The following TMEM181 variants were observed in gnomAD, a reference collection of about 807,000 sequenced individuals.
TMEM181 encodes G protein-coupled receptor 178.
A neutral mutation model predicts 71.9 loss-of-function variants in TMEM181; 39 were observed. The observed-to-expected ratio is 0.54, with a 90% confidence interval of 0.42 to 0.71. TMEM181 has a LOEUF of 0.71. Ranked by LOEUF, TMEM181 falls within the 30% of genes least tolerant of loss-of-function variation. TMEM181 has a pLI of 0.00. For synonymous variants in TMEM181, 245 were observed against 228.8 expected (o/e 1.07, Z -0.64); for missense variants, 595 against 583.0 (o/e 1.02, Z -0.21).
At chr6:158,601,817 A>G (rs1415231301) in intron 6 of TMEM181, among the ~76,000 whole-genome samples, 1 of 152,138 alleles carries the variant, frequency 6.6e-6, no homozygotes, top group Admixed American at 6.5e-5. Context: ...GTAGGTTACT[A>G]GCATCCCCAT....
At chr6:158,582,716 C>G (rs1562634529) in intron 3 of TMEM181, among the ~76,000 whole-genome samples, 1 of 151,988 alleles carries the variant, frequency 6.6e-6, no homozygotes, top group Non-Finnish European at 1.5e-5. Flanking sequence ...ACGATGCATT[C>G]AGATAATGCT....
upstream of TMEM181, among the ~76,000 whole-genome samples, chr6:158,555,712 A>ATTGAC (rs1381794072): frequency 6.6e-6 from 1 of 152,244 alleles, no homozygotes; most frequent in Non-Finnish European, 1.5e-5. Flanking sequence ...AGAGAATCCC[A>ATTGAC]TTGACTTGAC....
chr6:158,625,388 C>T (rs1451085038), intron 12 of TMEM181, among the ~76,000 whole-genome samples, 182 bp downstream of exon 12: 1 of 152,144 alleles, frequency 6.6e-6, no homozygotes, highest in Non-Finnish European at 1.5e-5. Flanking sequence ...ACAGGTTACT[C>T]TGGCATTTGG....
At chr6:158,618,163 T>A (rs930425361) in intron 10 of TMEM181, among the ~76,000 whole-genome samples, 2 of 152,258 alleles carry the variant, frequency 1.3e-5, no homozygotes, top group African/African-American at 4.8e-5. Flanking sequence ...TGGTTGCTCC[T>A]GTATTGGGTG....
At chr6:158,558,155 C>T (rs1272039269), upstream of TMEM181, among the ~76,000 whole-genome samples, 1 of 152,084 alleles carries the variant, frequency 6.6e-6, no homozygotes, top group Non-Finnish European at 1.5e-5. Flanking sequence ...CAGGGGTCCT[C>T]GGGGTGGTGA....
At chr6:158,576,850 CAGG>C (rs1423465750) in intron 2 of TMEM181, among the ~76,000 whole-genome samples, 2 of 151,892 alleles carry the variant, frequency 1.3e-5, no homozygotes, top group East Asian at 3.9e-4. Flanking sequence ...ATCACGACGT[CAGG>C]AGATCGAGAC....
Position 158,631,811 on chromosome 6 carries a change from A to C in TMEM181, c.1351A>C (p.Ser451Arg). ...NDSDDDVIYG[S>R]DYEEMPLQNG... ...TCTCAAAGGTCTCTTTGCTCACAGG[A>C]GTGACTATGAGGAAATGCCGCTGCA... Residue 451 changes from serine to arginine, a missense_variant and splice_region_variant, in exon 17 of 17, where the codon AGT becomes CGT. Coordinates refer to ENST00000684151, the MANE Select transcript of TMEM181 (RefSeq NM_001376852.1). 6.3e-7 allele frequency: 1 copy of C among 1,596,700 alleles called. No individual in the cohort carries two copies. Among genetic ancestry groups the C allele is most frequent in the Non-Finnish European group, 8.5e-7 (1 of 1,171,086 alleles).
At chr6:158,546,908 C>T (rs371560949) in intron 1 of TMEM181, among the ~76,000 whole-genome samples, 10 of 152,172 alleles carry the variant, frequency 6.6e-5, no homozygotes, top group African/African-American at 1.4e-4. Context: ...TGCAGTGAGC[C>T]GAGATTGCAC....
chr6:158,552,976 G>A (rs1466857021), intron 1 of TMEM181, among the ~76,000 whole-genome samples: 4 of 152,120 alleles, frequency 2.6e-5, no homozygotes. Flanking sequence ...GATCACTTGA[G>A]CCTAGTTTGA....
In TMEM181 at chr6:158,608,374, C is replaced by T. The variant is rs993080581; in HGVS notation, c.715C>T (p.Pro239Ser). 3.1e-6 allele frequency: 5 copies of T among 1,614,118 alleles called. No homozygotes were observed. Among genetic ancestry groups the T allele is most frequent in the African/African-American group, 1.3e-5 (1 of 74,924 alleles). The change falls in exon 9 of 17, where the codon CCA becomes TCA. Residue 239 changes from proline (P) to serine (S), a missense_variant. Coordinates refer to ENST00000684151, the MANE Select transcript of TMEM181 (RefSeq NM_001376852.1). ...PLSFLVNSWL[P>S]GMLDDLFQSM... Reference sequence around the variant, plus strand: ...CTCCTTCCTGGTCAACAGCTGGCTCCCAGGGATGCTGGATGACCTCTTTCA... The same window carrying T: ...CTCCTTCCTGGTCAACAGCTGGCTCTCAGGGATGCTGGATGACCTCTTTCA...
At position 158,634,159 on chromosome 6, in the gene TMEM181, AAAAGTT is replaced by A. The variant is rs1786811628; in HGVS notation, c.*2273_*2278del. ...TTGTAACTAAGTGGGAAATAAGAAAAAAAGTTAGAAAGTACTTAAGGGGAAAATCGT... is the reference window on the plus strand; with the variant it reads ...TTGTAACTAAGTGGGAAATAAGAAAAAGAAAGTACTTAAGGGGAAAATCGT... On this transcript the variant is annotated 3_prime_UTR_variant, in exon 17 of 17. Coordinates refer to ENST00000684151, the MANE Select transcript of TMEM181 (RefSeq NM_001376852.1). 2 of 146,816 alleles carry A rather than the reference AAAAGTT, an allele frequency of 1.4e-5. No individual in the cohort carries two copies. The highest frequency in any genetic ancestry group is 4.2e-4 in the South Asian group (2 of 4,712). The allele number at this position is 146,816 out of a possible 1,614,324, so 9.1% of individuals were successfully genotyped here. A position where few individuals can be genotyped will look rare whatever the true frequency, so the allele number is the denominator to read the frequency against.
chr6:158,623,657 TA>T, intron 11 of TMEM181, 50 bp downstream of exon 11: 2 of 1,317,372 alleles, frequency 1.5e-6, no homozygotes, highest in Non-Finnish European at 2.1e-6. Flanking sequence ...TGCTGTTTTG[TA>T]AAATTACTGA....
chr6:158,614,876 C>T (rs2128322467), intron 10 of TMEM181, among the ~76,000 whole-genome samples: 1 of 152,256 alleles, frequency 6.6e-6, no homozygotes, highest in South Asian at 2.1e-4. Flanking sequence ...TTTTCTTAAT[C>T]CAGTCTATCA....
chr6:158,599,421 C>T (rs775555014), intron 6 of TMEM181, among the ~76,000 whole-genome samples: 12 of 152,294 alleles, frequency 7.9e-5, no homozygotes, highest in African/African-American at 2.6e-4. Context: ...GGGACCTTGA[C>T]GCAAAAGCTT....
chr6:158,623,010 T>C (rs892309582), intron 10 of TMEM181, among the ~76,000 whole-genome samples: 1 of 152,210 alleles, frequency 6.6e-6, no homozygotes. Flanking sequence ...AATAGGACTT[T>C]CACGGAGTAG....
At chr6:158,589,319 A>G (rs1032911277) in intron 5 of TMEM181, among the ~76,000 whole-genome samples, 3 of 152,218 alleles carry the variant, frequency 2.0e-5, no homozygotes, top group Admixed American at 6.5e-5. Flanking sequence ...CGGCATCTGC[A>G]TTGACGTGTC....
intron 6 of TMEM181, among the ~76,000 whole-genome samples, chr6:158,591,715 ATCT>A (rs1269515688): frequency 2.6e-5 from 4 of 151,980 alleles, no homozygotes; most frequent in African/African-American, 7.3e-5. Context: ...CCCTTTCATC[ATCT>A]TCTTTATTAG....
chr6:158,593,071 ATG>A (rs1784198597), intron 6 of TMEM181, among the ~76,000 whole-genome samples: 1 of 152,196 alleles, frequency 6.6e-6, no homozygotes, highest in Non-Finnish European at 1.5e-5. Context: ...CTCTACTTCC[ATG>A]TTCTTTTTGA....
At chr6:158,554,122 G>C (rs1390018969) in intron 1 of TMEM181, among the ~76,000 whole-genome samples, 1 of 151,236 alleles carries the variant, frequency 6.6e-6, no homozygotes, top group Non-Finnish European at 1.5e-5. Context: ...TTTCGCTTTT[G>C]TTGCCCAGGC....
Sources: allele counts gnomAD v4.1 joint callset (sites outside exome capture counted in the v4.1 genomes callset), GRCh38; gene constraint gnomAD v4.1.1; transcripts MANE v1.5; gene names NCBI Gene and HGNC (gene_info 2026-07-23, HGNC 2026-07-21).